KIAA1217: variants seen among roughly 807,000 people sequenced by gnomAD.
KIAA1217 encodes sickle tail protein homolog.
A neutral mutation model predicts 163.9 loss-of-function variants in KIAA1217; 88 were observed. That is an observed-to-expected ratio of 0.54 (90% CI 0.45 to 0.64). The LOEUF is 0.64. Among genes scored for constraint, KIAA1217 ranks in the 30% least tolerant of loss-of-function variants. KIAA1217 has a pLI of 0.00. For missense variants in KIAA1217, 2,372 were observed against 2,475.0 expected, an observed-to-expected ratio of 0.96 and a Z score of 0.88; for synonymous variants, 903 against 923.1, an observed-to-expected ratio of 0.98 and a Z score of 0.39.
chr10:23,915,116 GA>G (rs775030673), intron 1 of KIAA1217, among the ~76,000 whole-genome samples: 157 of 152,070 alleles, frequency 1.0e-3, no homozygotes, highest in Non-Finnish European at 1.8e-3. Flanking sequence ...AAGGAAGGAA[GA>G]AAGGGGTGAG....
chr10:24,214,385 C>T (rs2068544258), intron 1 of KIAA1217, among the ~76,000 whole-genome samples: 1 of 152,102 alleles, frequency 6.6e-6, no homozygotes, highest in Non-Finnish European at 1.5e-5. Context: ...GCTCCTCCTG[C>T]CTTGTCACTA....
chr10:23,908,035 A>G (rs1251195534), intron 1 of KIAA1217, among the ~76,000 whole-genome samples: 1 of 152,156 alleles, frequency 6.6e-6, no homozygotes, highest in Non-Finnish European at 1.5e-5. Context: ...GAATCTCTAA[A>G]GAGTTTGCAT....
In KIAA1217 at chr10:23,790,366, C is replaced by CATATGCACATATGCATATATGCAT. The variant is rs1835777437; in HGVS notation, c.-321+95136_-321+95137insGCACATATGCATATATGCATATAT. Among the ~76,000 whole-genome samples the CATATGCACATATGCATATATGCAT allele has an allele frequency of 2.1e-5, 2 of 95,172 alleles. 1 individual carries two copies. Among genetic ancestry groups the CATATGCACATATGCATATATGCAT allele is most frequent in the Non-Finnish European group, 3.8e-5 (2 of 52,030 alleles). 62.4% of individuals were successfully genotyped at this position (95,172 alleles called of 152,430 possible). A position where few individuals can be genotyped will look rare whatever the true frequency, so the allele number is the denominator to read the frequency against. Reference sequence around the variant, plus strand: ...ATACATATGCATATATGCATATATACATATACATATGTATATATACATATG... The same window carrying CATATGCACATATGCATATATGCAT: ...ATACATATGCATATATGCATATATACATATGCACATATGCATATATGCATATATACATATGTATATATACATATG... On this transcript the variant is annotated intron_variant, in intron 1 of 18. Transcript: ENST00000376462.
At chr10:23,838,911 C>T (rs1838627109) in intron 1 of KIAA1217, among the ~76,000 whole-genome samples, 3 of 152,110 alleles carry the variant, frequency 2.0e-5, no homozygotes, top group African/African-American at 4.8e-5. Context: ...CTATTATCTG[C>T]TGTTCTTGCA....
intron 1 of KIAA1217, among the ~76,000 whole-genome samples, chr10:23,937,660 T>A (rs1487290879): frequency 6.6e-6 from 1 of 152,180 alleles, no homozygotes; most frequent in Non-Finnish European, 1.5e-5. Context: ...TTTTTCCCCA[T>A]GGCACCTTAA....
Position 24,397,884 on chromosome 10 carries a change from G to A in KIAA1217, c.553+16817G>A, listed in dbSNP as rs143497637. On this transcript the variant is annotated intron_variant, in intron 3 of 20. Transcript: ENST00000376454. ...AATAAAGAGGGCACTGAGTGTACCC[G>A]GAAGCAGCCAGTAGAGTAATCAGGA... 1.8e-4 allele frequency among the ~76,000 whole-genome samples: 27 copies of A among 152,254 alleles called. No individual in the cohort carries two copies. The East Asian group carries it at 3.7e-3, about 21-fold the overall frequency.
At chr10:24,168,237 C>T (rs1221370124) in intron 2 of KIAA1217, among the ~76,000 whole-genome samples, 2 of 151,998 alleles carry the variant, frequency 1.3e-5, no homozygotes, top group Non-Finnish European at 2.9e-5. Context: ...AATTAAGCGC[C>T]TCTAGATGTC....
At chr10:23,776,159 G>A (rs967878335) in intron 1 of KIAA1217, among the ~76,000 whole-genome samples, 1 of 152,046 alleles carries the variant, frequency 6.6e-6, no homozygotes, top group Non-Finnish European at 1.5e-5. Context: ...ATGATCACCT[G>A]GTTTCCTCTG....
intron 17 of KIAA1217, among the ~76,000 whole-genome samples, chr10:24,540,545 G>A (rs1358825271): frequency 6.6e-6 from 1 of 151,990 alleles, no homozygotes; most frequent in Admixed American, 6.6e-5. Flanking sequence ...AACGTTTAAT[G>A]ATGGGAATGG....
At chr10:24,492,828 T>A (rs1350271737) in intron 6 of KIAA1217, among the ~76,000 whole-genome samples, 2 of 151,196 alleles carry the variant, frequency 1.3e-5, no homozygotes, top group East Asian at 1.9e-4. Flanking sequence ...TGGCTTTTTC[T>A]AGTGGAAGAA....
chr10:24,371,184 C>G (rs2051595554), intron 2 of KIAA1217, among the ~76,000 whole-genome samples: 1 of 152,146 alleles, frequency 6.6e-6, no homozygotes, highest in Admixed American at 6.6e-5. Flanking sequence ...ACAAGGCAGA[C>G]AGGTGGCAGG....
chr10:24,296,568 C>T (rs950418439), intron 2 of KIAA1217, among the ~76,000 whole-genome samples: 1 of 152,174 alleles, frequency 6.6e-6, no homozygotes, highest in African/African-American at 2.4e-5. Flanking sequence ...AGTTTCTTCT[C>T]ATTGACTTAG....
intron 17 of KIAA1217, among the ~76,000 whole-genome samples, chr10:24,537,103 A>G (rs894657355): frequency 1.3e-5 from 2 of 152,106 alleles, no homozygotes; most frequent in Admixed American, 6.6e-5. Flanking sequence ...ACAGCATACA[A>G]TAGTATATGC....
At chr10:23,859,905 C>T (rs931806344) in intron 1 of KIAA1217, among the ~76,000 whole-genome samples, 2 of 151,698 alleles carry the variant, frequency 1.3e-5, no homozygotes, top group African/African-American at 4.8e-5. Context: ...AGTCACAGAC[C>T]TGTAAGACTT....
chr10:23,805,516 C>T (rs1002522214), intron 1 of KIAA1217, among the ~76,000 whole-genome samples: 8 of 151,766 alleles, frequency 5.3e-5, no homozygotes, highest in African/African-American at 1.9e-4. Context: ...CAGACTAGGG[C>T]CTATTGGAGG....
At chr10:24,377,116 T>C (rs1204248883) in intron 2 of KIAA1217, among the ~76,000 whole-genome samples, 4 of 152,136 alleles carry the variant, frequency 2.6e-5, no homozygotes, top group Non-Finnish European at 5.9e-5. Context: ...AGAGACCCCT[T>C]CGAAGAAGAG....
intron 2 of KIAA1217, among the ~76,000 whole-genome samples, chr10:24,366,721 A>G (rs1012318885): frequency 6.6e-6 from 1 of 152,192 alleles, no homozygotes; most frequent in South Asian, 2.1e-4. Context: ...GCCCGGGGCC[A>G]GTGACAATCA....
chr10:24,419,881 G>T lies in KIAA1217; in HGVS notation c.554-13114G>T, dbSNP rs74125406. Among the ~76,000 whole-genome samples the T allele has an allele frequency of 1.0e-3, 159 of 152,126 alleles. 1 individual carries two copies. Among genetic ancestry groups the T allele is most frequent in the African/African-American group, 3.6e-3 (148 of 41,520 alleles). ...TCATACTGCACGTATCCTTTTATAAGTTTCGGTGTTCACTCAGCATTATGT... is the reference window on the plus strand; with the variant it reads ...TCATACTGCACGTATCCTTTTATAATTTTCGGTGTTCACTCAGCATTATGT... On this transcript the variant is annotated intron_variant, in intron 3 of 20. Coordinates refer to ENST00000376454, the MANE Select transcript of KIAA1217 (RefSeq NM_019590.5).
chr10:24,268,725 C>T (rs1444799843), intron 2 of KIAA1217, among the ~76,000 whole-genome samples: 10 of 105,866 alleles, frequency 9.4e-5, no homozygotes, highest in African/African-American at 3.6e-4. Flanking sequence ...ACCCAAAGGA[C>T]TATAAATCAT....
Sources: gnomAD v4.1 joint callset for allele counts (sites outside exome capture counted in the v4.1 genomes callset) on GRCh38, gnomAD v4.1.1 for gene constraint, MANE v1.5 for transcripts, NCBI Gene and HGNC (gene_info 2026-07-23, HGNC 2026-07-21) for gene names.